CDIN1: variants seen among roughly 807,000 people sequenced by gnomAD.
CDIN1 encodes the protein CDAN1 interacting nuclease 1.
CDIN1 carries 33 observed loss-of-function variants against 45.3 expected under a neutral mutation model. That is an observed-to-expected ratio of 0.73 (90% CI 0.55 to 0.97). The LOEUF (loss-of-function observed/expected upper bound fraction) is 0.97. Among genes scored for constraint, CDIN1 ranks in the 50% least tolerant of loss-of-function variants. The pLI is 0.00. For synonymous variants in CDIN1, 118 were observed against 124.4 expected (o/e 0.95, Z 0.34); for missense variants, 303 against 339.4 (o/e 0.89, Z 0.84).
intron 10 of CDIN1, among the ~76,000 whole-genome samples, chr15:36,769,880 A>G (rs1238183149): frequency 1.3e-5 from 2 of 152,188 alleles, no homozygotes; most frequent in Admixed American, 1.3e-4. Flanking sequence ...ATGATGTTAC[A>G]GTCAGCTGAT....
At chr15:36,738,199 C>T (rs908786740) in intron 10 of CDIN1, among the ~76,000 whole-genome samples, 1 of 152,104 alleles carries the variant, frequency 6.6e-6, no homozygotes, top group Non-Finnish European at 1.5e-5. Context: ...AGCTATGGGT[C>T]TATACTGAAC....
intron 10 of CDIN1, among the ~76,000 whole-genome samples, chr15:36,761,608 C>T (rs778590150): frequency 1.3e-5 from 2 of 152,200 alleles, no homozygotes; most frequent in African/African-American, 2.4e-5. Context: ...GTTCACTGAA[C>T]TGACACTGGA....
chr15:36,778,761 C>A (rs2054280157), intron 10 of CDIN1, among the ~76,000 whole-genome samples: 1 of 152,262 alleles, frequency 6.6e-6, no homozygotes, highest in African/African-American at 2.4e-5. Flanking sequence ...AGTTGATTTA[C>A]TGCATATGGA....
intron 10 of CDIN1, among the ~76,000 whole-genome samples, chr15:36,806,105 C>G (rs2141150153): frequency 6.6e-6 from 1 of 152,252 alleles, no homozygotes; most frequent in African/African-American, 2.4e-5. Flanking sequence ...GTTCATAGAT[C>G]TGTGTTGGTA....
rs1482456387 is a variant in CDIN1 at position 36,623,573 on chromosome 15, C to T, written c.102-20705C>T. Among the ~76,000 whole-genome samples the T allele has an allele frequency of 7.2e-5, 11 of 152,202 alleles. No homozygotes were observed. In the East Asian group the frequency reaches 1.7e-3, roughly 24 times the overall value. ...TGCAGTGGGGGTAACCAGTTGTTGA[C>T]GCCATGGGGCAGGCAGCTCAGTACC... On this transcript the variant is annotated intron_variant, in intron 1 of 10. Transcript: ENST00000566621.
At chr15:36,746,640 A>G (rs1393473486) in intron 10 of CDIN1, among the ~76,000 whole-genome samples, 2 of 145,826 alleles carry the variant, frequency 1.4e-5, no homozygotes, top group Non-Finnish European at 3.0e-5. Context: ...TCATACACGT[A>G]TATGCATATC....
At chr15:36,616,296 T>G (rs1036299940) in intron 1 of CDIN1, among the ~76,000 whole-genome samples, 16 of 151,906 alleles carry the variant, frequency 1.1e-4, no homozygotes, top group African/African-American at 3.6e-4. Flanking sequence ...CATTTTTTTT[T>G]TTTGAGACAG....
chr15:36,789,354 A>T (rs3759913), intron 10 of CDIN1, among the ~76,000 whole-genome samples: 121,763 of 152,232 alleles, frequency 0.8, 51,684 homozygotes, highest in East Asian at 0.95. Flanking sequence ...GTAAACAAAT[A>T]TAGAAACATT....
chr15:36,732,128 C>T (rs2043853610), intron 10 of CDIN1, among the ~76,000 whole-genome samples: 1 of 152,162 alleles, frequency 6.6e-6, no homozygotes, highest in African/African-American at 2.4e-5. Flanking sequence ...TGTCCCAGGA[C>T]TTCCTTTGCC....
At chr15:36,637,597 C>G (rs888827027) in intron 1 of CDIN1, among the ~76,000 whole-genome samples, 1 of 152,018 alleles carries the variant, frequency 6.6e-6, no homozygotes, top group Admixed American at 6.6e-5. Flanking sequence ...GTCAGATGGC[C>G]CAGAATTCTT....
chr15:36,769,080 A>G (rs2053999745), intron 10 of CDIN1, among the ~76,000 whole-genome samples: 1 of 152,226 alleles, frequency 6.6e-6, no homozygotes. Context: ...ATAAAGGCAG[A>G]TTAATATTAT....
At chr15:36,590,481 C>G (rs187143231) in intron 1 of CDIN1, among the ~76,000 whole-genome samples, 1 of 152,212 alleles carries the variant, frequency 6.6e-6, no homozygotes, top group East Asian at 1.9e-4. Flanking sequence ...TATGTAAGTA[C>G]TTGGTCTTTC....
intron 10 of CDIN1, among the ~76,000 whole-genome samples, chr15:36,797,990 A>AAAAAAAAAG (rs2054870525): frequency 6.7e-6 from 1 of 149,428 alleles, no homozygotes; most frequent in Admixed American, 6.6e-5. Context: ...AAAAAAAAAA[A>AAAAAAAAAG]GACTTTCCTT....
intron 3 of CDIN1, among the ~76,000 whole-genome samples, chr15:36,647,364 T>C (rs1004843866): frequency 2.6e-5 from 4 of 152,044 alleles, no homozygotes; most frequent in African/African-American, 9.7e-5. Context: ...TGATGAACAG[T>C]TGAGTGGGTA....
At chr15:36,735,552 T>C (rs1169875958) in intron 10 of CDIN1, among the ~76,000 whole-genome samples, 1 of 152,102 alleles carries the variant, frequency 6.6e-6, no homozygotes, top group African/African-American at 2.4e-5. Context: ...AAGACATACA[T>C]ATGTGCATAT....
At chr15:36,753,649 T>C (rs2053533916) in intron 10 of CDIN1, among the ~76,000 whole-genome samples, 1 of 151,096 alleles carries the variant, frequency 6.6e-6, no homozygotes, top group South Asian at 2.1e-4. Context: ...TTTATGTGAA[T>C]GGTTTGTCAG....
chr15:36,617,383 C>T (rs1375936628), intron 1 of CDIN1: 3 of 1,549,802 alleles, frequency 1.9e-6, no homozygotes. Context: ...ACCAGAAGAT[C>T]TGAGTTACCA....
chr15:36,604,006 C>T, intron 1 of CDIN1, among the ~76,000 whole-genome samples: 1 of 152,140 alleles, frequency 6.6e-6, no homozygotes, highest in East Asian at 1.9e-4. Context: ...AATTATATAT[C>T]TGGTTTTAAA....
In CDIN1 at chr15:36,579,976, C is replaced by G; in HGVS notation, c.101+15C>G. The G allele has an allele frequency of 6.2e-7, 1 of 1,607,250 alleles. No individual in the cohort carries two copies. Among genetic ancestry groups the G allele is most frequent in the East Asian group, 2.2e-5 (1 of 44,672 alleles). On this transcript the variant is annotated intron_variant, in intron 1 of 10. Coordinates refer to ENST00000566621, the MANE Select transcript of CDIN1 (RefSeq NM_001321759.2). ...AGGTTTCCCAGGTAAGTGTCCATCT[C>G]TCCCCTCTCACAGCCCTTTGCCTGC...
Sources: gnomAD v4.1 joint callset for allele counts (sites outside exome capture counted in the v4.1 genomes callset) on GRCh38, gnomAD v4.1.1 for gene constraint, MANE v1.5 for transcripts, NCBI Gene and HGNC (gene_info 2026-07-23, HGNC 2026-07-21) for gene names.